The following OSBPL5 variants were observed in gnomAD, a reference collection of about 807,000 sequenced individuals.
The protein encoded by OSBPL5 is oxysterol binding protein like 5.
OSBPL5 carries 71 observed loss-of-function variants against 111.2 expected under a neutral mutation model. The ratio of observed to expected loss-of-function variants is 0.64; its 90% CI spans 0.53 to 0.78. OSBPL5 has a LOEUF of 0.78. OSBPL5 is among the 30% of genes least tolerant of loss of function. OSBPL5 has a pLI of 0.00. For missense variants in OSBPL5, 1,210 were observed against 1,189.3 expected, an observed-to-expected ratio of 1.02 and a Z score of -0.26; for synonymous variants, 549 against 513.9, an observed-to-expected ratio of 1.07 and a Z score of -0.93.
At chr11:3,156,482 T>G (rs1846761672) in intron 1 of OSBPL5, among the ~76,000 whole-genome samples, 1 of 152,082 alleles carries the variant, frequency 6.6e-6, no homozygotes, top group South Asian at 2.1e-4. Flanking sequence ...CATCCATATA[T>G]AGTAAAGCCC....
chr11:3,147,453 G>A (rs1193119557), intron 1 of OSBPL5, among the ~76,000 whole-genome samples: 5 of 152,226 alleles, frequency 3.3e-5, no homozygotes, highest in Admixed American at 2.6e-4. Flanking sequence ...CCTCTCCCTC[G>A]TGCCCCAGGC....
In OSBPL5 at chr11:3,100,257, C is replaced by G; in HGVS notation, c.1523-1G>C. Reference sequence around the variant, plus strand: ...TCCAGCAGCGCCGACAGCGAGTTCCCTGCAGAGACAAGAGACAGCAGGACC... The same window carrying G: ...TCCAGCAGCGCCGACAGCGAGTTCCGTGCAGAGACAAGAGACAGCAGGACC... On this transcript the variant is annotated splice_acceptor_variant, in intron 13 of 21. Coordinates refer to ENST00000263650, the MANE Select transcript of OSBPL5 (RefSeq NM_020896.4). LOFTEE classifies it high-confidence loss of function. 6.2e-7 allele frequency: 1 copy of G among 1,613,826 alleles called. No homozygotes were observed. Among genetic ancestry groups the G allele is most frequent in the Non-Finnish European group, 8.5e-7 (1 of 1,179,914 alleles).
rs1564830843 is a variant in OSBPL5, at chr11:3,103,880, G to GCAGCCC, written c.1244+312_1244+313insGGGCTG. 3.6e-4 allele frequency among the ~76,000 whole-genome samples: 8 copies of GCAGCCC among 22,038 alleles called. 1 individual carries two copies. Among genetic ancestry groups the GCAGCCC allele is most frequent in the Admixed American group, 5.3e-4 (1 of 1,872 alleles). The allele number at this position is 22,038 out of a possible 152,430, so 14.5% of individuals were successfully genotyped here. A position where few individuals can be genotyped will look rare whatever the true frequency, so the allele number is the denominator to read the frequency against. ...TCTGCGCAGCCCCCTTCCTGCCTCT[G>GCAGCCC]TAGCCCCATTCCTGCCTCTGCAGCC... is the stretch of plus-strand genomic sequence containing the variant. On this transcript the variant is annotated intron_variant, in intron 10 of 21. Transcript: ENST00000263650.
intron 1 of OSBPL5, among the ~76,000 whole-genome samples, chr11:3,160,672 T>TCCCCCCCCCCCCCC (rs71035491): frequency 2.0e-4 from 24 of 122,434 alleles, no homozygotes; most frequent in African/African-American, 2.8e-4. Context: ...ATGACAACCC[T>TCCCCCCCCCCCCCC]CCCCCCCCCC....
rs1857549523 is a variant in OSBPL5, at chr11:3,103,730, CTTCCTGCCTCTGCAACCCT to C, written c.1245-429_1245-411del. ...TACCCCCTTCCAGGCTCTGCTGCCC[CTTCCTGCCTCTGCAACCCT>C]CTTCCAGCTCTGCAGCCCCCTTCCA... On this transcript the variant is annotated intron_variant, in intron 10 of 21. Transcript: ENST00000263650. Among the ~76,000 whole-genome samples, 11 of 87,460 alleles carry C rather than the reference CTTCCTGCCTCTGCAACCCT, an allele frequency of 1.3e-4. 1 individual carries two copies. The highest frequency in any genetic ancestry group is 9.2e-4 in the Admixed American group (7 of 7,600). 57.4% of individuals were successfully genotyped at this position (87,460 alleles called of 152,430 possible).
rs543720446 is a variant in OSBPL5 at position 3,161,904 on chromosome 11, C to T, written c.-22+3312G>A. ...CAAGGAGGGGCCGAAAGCAGAGGCA[C>T]AGGCAGTGCAAAGGCCCTGGAGTAA... On this transcript the variant is annotated intron_variant, in intron 1 of 21. Transcript: ENST00000263650. This position sits in a 1 kb window ranked among gnomAD's most constrained non-coding sequence, Gnocchi z 8.0. Among the ~76,000 whole-genome samples, 136 of 151,352 alleles carry T rather than the reference C, an allele frequency of 9.0e-4. No individual in the cohort carries two copies. Among genetic ancestry groups the T allele is most frequent in the African/African-American group, 3.2e-3 (133 of 41,178 alleles).
chr11:3,100,097 G>A lies in OSBPL5; in HGVS notation c.1621+61C>T, dbSNP rs984860069. The A allele has an allele frequency of 2.0e-5, 29 of 1,465,594 alleles. No individual in the cohort carries two copies. In the Admixed American group the frequency reaches 4.9e-4, roughly 25 times the overall value. 90.8% of individuals were successfully genotyped at this position (1,465,594 alleles called of 1,614,324 possible). The stretch of plus-strand genomic sequence containing the variant: ...TCAAGCAAATAACCAAAGGGTTTTA[G>A]CATCTAGCTGCTCTCACAGAGCCTG... On this transcript the variant is annotated intron_variant, in intron 14 of 21. Transcript: ENST00000263650.
chr11:3,112,141 T>G (rs7951438), intron 7 of OSBPL5, among the ~76,000 whole-genome samples: 6 of 134,212 alleles, frequency 4.5e-5, no homozygotes, highest in South Asian at 2.5e-4. Flanking sequence ...ATGTGTGTGT[T>G]TGTATTTAAG....
In OSBPL5 at chr11:3,092,526, G is replaced by A. The variant is rs1857098960; in HGVS notation, c.2165C>T (p.Ala722Val). 2.5e-6 allele frequency: 4 copies of A among 1,589,508 alleles called. No homozygotes were observed. Among genetic ancestry groups the A allele is most frequent in the African/African-American group, 1.3e-5 (1 of 74,470 alleles). The change falls in exon 19 of 22, where the codon GCC (alanine) becomes GTC (valine). Residue 722 changes from alanine to valine, a missense_variant. Ala to Val is a moderately conservative substitution (Grantham distance 64). Transcript: ENST00000263650. This position sits in a 1 kb window ranked among gnomAD's most constrained non-coding sequence, Gnocchi z 5.4. ...HSPWDPLKDI[A>V]QFEQDGILRT... is the part of the protein sequence containing the mutation. ...CAGGATCCCGTCTTGCTCAAACTGG[G>A]CGATGTCCTTCAGGGGGTCCCAGGG...
chr11:3,116,854 CAAA>C (rs371907970), intron 7 of OSBPL5, among the ~76,000 whole-genome samples: 2 of 75,472 alleles, frequency 2.6e-5, no homozygotes, highest in Non-Finnish European at 2.8e-5. Flanking sequence ...GACTCCATCA[CAAA>C]AAAAAAAAAA....
At position 3,126,398 on chromosome 11, in the gene OSBPL5, C is replaced by A; in HGVS notation, c.219+75G>T. 7.3e-7 allele frequency: 1 copy of A among 1,361,324 alleles called. No homozygotes were observed. The allele number at this position is 1,361,324 out of a possible 1,614,324, so 84.3% of individuals were successfully genotyped here. ...AGGCTCAGCTGGACGCCCTGCTGTC[C>A]TTTTCCCCAGCCGTTTCCTGCTGTC... On this transcript the variant is annotated intron_variant, in intron 3 of 21. Coordinates refer to ENST00000263650, the MANE Select transcript of OSBPL5 (RefSeq NM_020896.4). The surrounding 1 kb of genome is among the most constrained non-coding windows in gnomAD (Gnocchi z 6.5).
chr11:3,107,326 G>T lies in OSBPL5; in HGVS notation c.996C>A (p.Thr332=), dbSNP rs1477722448. The part of the protein sequence containing the change: ...KTESGSDQSE[T]PGAPVRRGTT... ...TCCCTCTCCGCACCGGGGCCCCAGG[G>T]GTCTCTGACTGGTCGCTGCCACTCT... is the stretch of plus-strand genomic sequence containing the variant. Residue 332 remains threonine, a synonymous_variant, in exon 9 of 22, where the codon ACC becomes ACA. Transcript: ENST00000263650. This position sits in a 1 kb window ranked among gnomAD's most constrained non-coding sequence, Gnocchi z 6.1. 2.5e-6 allele frequency: 4 copies of T among 1,613,748 alleles called. No homozygotes were observed. Among genetic ancestry groups the T allele is most frequent in the Non-Finnish European group, 3.4e-6 (4 of 1,179,968 alleles).
In OSBPL5 at chr11:3,093,849, C is replaced by T. The variant is rs540258980; in HGVS notation, c.1720-14G>A. 2.5e-6 allele frequency: 4 copies of T among 1,607,352 alleles called. No individual in the cohort carries two copies. The South Asian group carries it at 3.3e-5, about 13-fold the overall frequency. ...CCCGAAGAAGGGCTGCGGGGCCACACCCAGAACAGAGCCCAGTGAGCGGGG... is the reference window on the plus strand; with the variant it reads ...CCCGAAGAAGGGCTGCGGGGCCACATCCAGAACAGAGCCCAGTGAGCGGGG... On this transcript the variant is annotated splice_polypyrimidine_tract_variant and intron_variant, in intron 15 of 21. Transcript: ENST00000263650.
At chr11:3,122,484 G>A (rs1214337670) in intron 3 of OSBPL5, 56 bp from the exon 4 acceptor site, 5 of 1,555,276 alleles carry the variant, frequency 3.2e-6, no homozygotes, top group Admixed American at 3.5e-5. Flanking sequence ...CCAGGGCTAG[G>A]AGCCCAGGTT....
Position 3,126,737 on chromosome 11 carries a change from G to A in OSBPL5, c.137-182C>T, listed in dbSNP as rs1337209075. The A allele has an allele frequency of 2.0e-5, 10 of 507,332 alleles. No individual in the cohort carries two copies. Among genetic ancestry groups the A allele is most frequent in the Middle Eastern group, 1.1e-3 (2 of 1,872 alleles). 31.4% of individuals were successfully genotyped at this position (507,332 alleles called of 1,614,324 possible). A position where few individuals can be genotyped will look rare whatever the true frequency, so the allele number is the denominator to read the frequency against. ...AGAGGTGTAATAAACGCCAGCAAGC[G>A]TCACTGTGGGAGGAGTGTGCCAGGA... On this transcript the variant is annotated intron_variant, in intron 2 of 21. Transcript: ENST00000263650. The surrounding 1 kb of genome is among the most constrained non-coding windows in gnomAD (Gnocchi z 6.5).
Position 3,141,686 on chromosome 11 carries a change from A to T in OSBPL5, c.-21-12517T>A, listed in dbSNP as rs1302034219. Among the ~76,000 whole-genome samples the T allele has an allele frequency of 6.6e-6, 1 of 152,090 alleles. No individual in the cohort carries two copies. Among genetic ancestry groups the T allele is most frequent in the Non-Finnish European group, 1.5e-5 (1 of 68,014 alleles). On this transcript the variant is annotated intron_variant, in intron 1 of 21. Coordinates refer to ENST00000263650, the MANE Select transcript of OSBPL5 (RefSeq NM_020896.4). This position sits in a 1 kb window ranked among gnomAD's most constrained non-coding sequence, Gnocchi z 6.5. ...AATGCATTGCCAAGTTGCGATTCTC[A>T]TGCATCCCAGTGCTTTGCCGAGGTG...
intron 17 of OSBPL5, 196 bp from the exon 18 acceptor site, chr11:3,093,248 C>T: frequency 1.4e-6 from 1 of 738,592 alleles, no homozygotes; most frequent in Admixed American, 3.0e-5. Flanking sequence ...CACTGAGCTC[C>T]CATCTCCCGC....
At chr11:3,156,597 C>T (rs974449084) in intron 1 of OSBPL5, among the ~76,000 whole-genome samples, 5 of 152,246 alleles carry the variant, frequency 3.3e-5, no homozygotes, top group Admixed American at 2.0e-4. Flanking sequence ...TGCTGAAAGA[C>T]GCCTAAAGCA....
Position 3,164,066 on chromosome 11 carries a change from G to A in OSBPL5, c.-22+1150C>T, listed in dbSNP as rs777660061. ...CAGTCTGGGATCTGGATCAGCCCTG[G>A]TGCAGGCAGACCCAAGAGCATCTAT... On this transcript the variant is annotated intron_variant, in intron 1 of 21. Transcript: ENST00000263650. The A allele has an allele frequency of 3.9e-5, 6 of 152,282 alleles. 1 individual carries two copies. Among genetic ancestry groups the A allele is most frequent in the Non-Finnish European group, 7.3e-5 (5 of 68,084 alleles). The allele number at this position is 152,282 out of a possible 1,614,324, so 9.4% of individuals were successfully genotyped here.
Sources: gnomAD v4.1 joint callset for allele counts (sites outside exome capture counted in the v4.1 genomes callset) on GRCh38, gnomAD v4.1.1 for gene constraint, Gnocchi (gnomAD v3.1) non-coding constraint, MANE v1.5 for transcripts, NCBI Gene and HGNC (gene_info 2026-07-23, HGNC 2026-07-21) for gene names.